Variants in ZNF776 observed in about 807,000 individuals in gnomAD.
The protein encoded by ZNF776 is zinc finger protein 776.
Under a neutral mutation model 7.0 loss-of-function variants are expected in ZNF776, and 4 were observed. The observed-to-expected ratio is 0.57, with a 90% confidence interval of 0.28 to 1.31. ZNF776 has a LOEUF of 1.31. Among genes scored for constraint, ZNF776 ranks in the 50% most tolerant of loss-of-function variants. ZNF776 has a pLI of 0.10. For synonymous variants in ZNF776, 212 were observed against 213.7 expected, an observed-to-expected ratio of 0.99 and a Z score of 0.07; for missense variants, 555 against 625.9, an observed-to-expected ratio of 0.89 and a Z score of 1.21.
chr19:57,754,002 CT>C lies in ZNF776; in HGVS notation c.874del (p.Tyr292MetfsTer100). On this transcript the variant is annotated frameshift_variant, in exon 3 of 3. Coordinates refer to ENST00000317178, the MANE Select transcript of ZNF776 (RefSeq NM_173632.4). LOFTEE classifies it low-confidence loss of function (END_TRUNC). The stretch of plus-strand genomic sequence containing the variant: ...CAGAGAGTTCACACTGGAGAAAGAC[CT>C]TATGAGTGTGGAGAATGTGATAAAT... ...EHQRVHTGERPYECGECDKSF... is the reference protein window; with the variant it reads ...EHQRVHTGERXYECGECDKSF... 10 of 1,614,196 alleles carry C rather than the reference CT, an allele frequency of 6.2e-6. No individual in the cohort carries two copies. The highest frequency in any genetic ancestry group is 8.5e-6 in the Non-Finnish European group (10 of 1,180,036).
chr19:57,750,814 G>A lies in ZNF776; in HGVS notation c.63G>A (p.Val21=), dbSNP rs58446072. 1.7e-3 allele frequency: 2,763 copies of A among 1,613,022 alleles called. 51 individuals carry two copies. In the African/African-American group the frequency reaches 0.031, roughly 18 times the overall value. Residue 21 remains valine (V), a synonymous_variant, in exon 2 of 3, where the codon GTG becomes GTA. Transcript: ENST00000317178. ...CTGTGACCTTTGAAGATGTGGCTGT[G>A]AACTTTTCCCAGGAGGAATGGAGTC... ...QGTVTFEDVA[V]NFSQEEWSLL...
Position 57,746,958 on chromosome 19 carries a change from G to T in ZNF776, c.-101G>T, listed in dbSNP as rs1354071350. 4 of 1,271,812 alleles carry T rather than the reference G, an allele frequency of 3.1e-6. No homozygotes were observed. Among genetic ancestry groups the T allele is most frequent in the Middle Eastern group, 1.9e-4 (1 of 5,186 alleles). 78.8% of individuals were successfully genotyped at this position (1,271,812 alleles called of 1,614,324 possible). A position where few individuals can be genotyped will look rare whatever the true frequency, so the allele number is the denominator to read the frequency against. On this transcript the variant is annotated 5_prime_UTR_variant, in exon 1 of 3. Coordinates refer to ENST00000317178, the MANE Select transcript of ZNF776 (RefSeq NM_173632.4). ...GGCTGCTCTGCAGCTCCTTAAAGGC[G>T]CTAGGCGTGACCCGCACCAAGGCCG...
At chr19:57,747,397 C>G (rs1453906221) in intron 1 of ZNF776, among the ~76,000 whole-genome samples, 1 of 152,062 alleles carries the variant, frequency 6.6e-6, no homozygotes, top group Non-Finnish European at 1.5e-5. Context: ...GGCTGAGGAC[C>G]GTGTATTCAC....
Position 57,746,949 on chromosome 19 carries a change from C to T in ZNF776, c.-110C>T. ...CTGCACAGAGGCTGCTCTGCAGCTCCTTAAAGGCGCTAGGCGTGACCCGCA... is the reference window on the plus strand; with the variant it reads ...CTGCACAGAGGCTGCTCTGCAGCTCTTTAAAGGCGCTAGGCGTGACCCGCA... On this transcript the variant is annotated 5_prime_UTR_variant, in exon 1 of 3. Coordinates refer to ENST00000317178, the MANE Select transcript of ZNF776 (RefSeq NM_173632.4). 1 of 1,198,538 alleles carries T rather than the reference C, an allele frequency of 8.3e-7. No homozygotes were observed. The highest frequency in any genetic ancestry group is 2.7e-5 in the East Asian group (1 of 37,674). The allele number at this position is 1,198,538 out of a possible 1,614,324, so 74.2% of individuals were successfully genotyped here.
intron 1 of ZNF776, among the ~76,000 whole-genome samples, chr19:57,748,300 T>C (rs1986499107): frequency 6.6e-6 from 1 of 152,184 alleles, no homozygotes; most frequent in Non-Finnish European, 1.5e-5. Context: ...TTTTTGGTCT[T>C]AGTAGCTGTA....
Position 57,756,939 on chromosome 19 carries a change from A to T in ZNF776, c.*2252A>T, listed in dbSNP as rs546929848. 7 of 439,956 alleles carry T rather than the reference A, an allele frequency of 1.6e-5. No individual in the cohort carries two copies. The highest frequency in any genetic ancestry group is 1.0e-4 in the African/African-American group (5 of 49,324). 27.3% of individuals were successfully genotyped at this position (439,956 alleles called of 1,614,324 possible). ...ATGGTCATACCTCACTGCGGCCTCA[A>T]ACTCCTGGGCTCAAGTGATCCTCCT... On this transcript the variant is annotated 3_prime_UTR_variant, in exon 3 of 3. Transcript: ENST00000317178.
At chr19:57,749,620 C>T (rs1039809103) in intron 1 of ZNF776, among the ~76,000 whole-genome samples, 1 of 152,148 alleles carries the variant, frequency 6.6e-6, no homozygotes, top group Non-Finnish European at 1.5e-5. Flanking sequence ...ACCTGAGAAC[C>T]AATTCCCTTC....
intron 2 of ZNF776, among the ~76,000 whole-genome samples, chr19:57,751,682 G>GT (rs1248918001): frequency 2.1e-3 from 296 of 137,910 alleles, no homozygotes; most frequent in East Asian, 3.4e-3. Context: ...TTGCTTTTTT[G>GT]TTTTTTTTTT....
At position 57,758,026 on chromosome 19, in the gene ZNF776, T is replaced by A. The variant is rs1301504182; in HGVS notation, c.*3339T>A. On this transcript the variant is annotated 3_prime_UTR_variant, in exon 3 of 3. Transcript: ENST00000317178. ...TCATCAATCATGATATATGAGTAGT[T>A]CATTCTTTTTATCTTAGAATATGAC... 2.0e-5 allele frequency: 3 copies of A among 152,230 alleles called. No homozygotes were observed. The highest frequency in any genetic ancestry group is 4.4e-5 in the Non-Finnish European group (3 of 68,048). The allele number at this position is 152,230 out of a possible 1,614,324, so 9.4% of individuals were successfully genotyped here. A position where few individuals can be genotyped will look rare whatever the true frequency, so the allele number is the denominator to read the frequency against.
In ZNF776 at chr19:57,754,597, G is replaced by C. The variant is rs1480916460; in HGVS notation, c.1467G>C (p.Glu489Asp). ...QQIHSGERPH[E>D]CGECGKCFRQ... ...TTCACTCTGGAGAAAGGCCACATGAGTGTGGAGAATGTGGAAAGTGTTTTC... is the reference window on the plus strand; with the variant it reads ...TTCACTCTGGAGAAAGGCCACATGACTGTGGAGAATGTGGAAAGTGTTTTC... Residue 489 changes from glutamate (E) to aspartate (D), a missense_variant, in exon 3 of 3, where the codon GAG (glutamate) becomes GAC (aspartate). Transcript: ENST00000317178. 1 of 1,613,816 alleles carries C rather than the reference G, an allele frequency of 6.2e-7. No individual in the cohort carries two copies. The highest frequency in any genetic ancestry group is 1.3e-5 in the African/African-American group (1 of 74,848).
rs1433888023 is a variant in ZNF776, at chr19:57,753,388, C to T, written c.258C>T (p.Thr86=). ...PLRTHWTGVC[T]KKVHLWGMCG... ...GGACACATTGGACAGGTGTATGTAC[C>T]AAGAAGGTCCACCTCTGGGGAATGT... The change falls in exon 3 of 3, where the codon ACC becomes ACT. Residue 86 remains threonine (T), a synonymous_variant. Transcript: ENST00000317178. 1.2e-6 allele frequency: 2 copies of T among 1,614,128 alleles called. No homozygotes were observed. The highest frequency in any genetic ancestry group is 8.5e-7 in the Non-Finnish European group (1 of 1,180,034).
chr19:57,755,743 T>A lies in ZNF776; in HGVS notation c.*1056T>A, dbSNP rs888064643. The A allele has an allele frequency of 6.6e-6, 1 of 152,222 alleles. No homozygotes were observed. The highest frequency in any genetic ancestry group is 1.5e-5 in the Non-Finnish European group (1 of 68,044). 9.4% of individuals were successfully genotyped at this position (152,222 alleles called of 1,614,324 possible). ...TATCCTGCGTATGTCCTTGCCAGAT[T>A]TATTTCATTCTTAGGTCTCTGGCAA... On this transcript the variant is annotated 3_prime_UTR_variant, in exon 3 of 3. Transcript: ENST00000317178.
Position 57,754,982 on chromosome 19 carries a change from C to A in ZNF776, c.*295C>A. On this transcript the variant is annotated 3_prime_UTR_variant, in exon 3 of 3. Coordinates refer to ENST00000317178, the MANE Select transcript of ZNF776 (RefSeq NM_173632.4). The stretch of plus-strand genomic sequence containing the variant: ...ACAAGAAGTCCCACCTCACTGAACA[C>A]TACTGAGTTCACAGTTGAGAAAGGC... 1 of 394,158 alleles carries A rather than the reference C, an allele frequency of 2.5e-6. No individual in the cohort carries two copies. The highest frequency in any genetic ancestry group is 4.2e-5 in the Admixed American group (1 of 23,732). The allele number at this position is 394,158 out of a possible 1,614,324, so 24.4% of individuals were successfully genotyped here.
chr19:57,755,715 T>G lies in ZNF776; in HGVS notation c.*1028T>G, dbSNP rs1043008619. 5 of 152,256 alleles carry G rather than the reference T, an allele frequency of 3.3e-5. No individual in the cohort carries two copies. The highest frequency in any genetic ancestry group is 5.9e-5 in the Non-Finnish European group (4 of 68,046). The allele number at this position is 152,256 out of a possible 1,614,324, so 9.4% of individuals were successfully genotyped here. ...AGGTATATGGGAGCTGTATTGCATT[T>G]CTTATCCTGCGTATGTCCTTGCCAG... On this transcript the variant is annotated 3_prime_UTR_variant, in exon 3 of 3. Coordinates refer to ENST00000317178, the MANE Select transcript of ZNF776 (RefSeq NM_173632.4).
chr19:57,748,236 A>C (rs563742580), intron 1 of ZNF776, among the ~76,000 whole-genome samples: 16 of 152,340 alleles, frequency 1.1e-4, no homozygotes, highest in Non-Finnish European at 1.9e-4. Context: ...TACAGCATCT[A>C]GGTTTCCTAA....
chr19:57,756,276 CT>C lies in ZNF776; in HGVS notation c.*1591del, dbSNP rs11290757. On this transcript the variant is annotated 3_prime_UTR_variant, in exon 3 of 3. Coordinates refer to ENST00000317178, the MANE Select transcript of ZNF776 (RefSeq NM_173632.4). ...TTCTTAAAATGGAATTTTCCAGCCT[CT>C]TAACTCACCAACCCAAGTACAAGCT... 0.67 allele frequency: 101,259 copies of C among 151,976 alleles called. 35,189 individuals are homozygous for C. Among genetic ancestry groups the C allele is most frequent in the African/African-American group, 0.86 (35,847 of 41,454 alleles). 9.4% of individuals were successfully genotyped at this position (151,976 alleles called of 1,614,324 possible).
At chr19:57,753,067 A>G (rs1370278502) in intron 2 of ZNF776, among the ~76,000 whole-genome samples, 1 of 152,240 alleles carries the variant, frequency 6.6e-6, no homozygotes, top group African/African-American at 2.4e-5. Flanking sequence ...AGGGGGCCAC[A>G]TGATGTGAAG....
At chr19:57,750,542 C>T (rs536357375) in intron 1 of ZNF776, among the ~76,000 whole-genome samples, 1 of 152,224 alleles carries the variant, frequency 6.6e-6, no homozygotes, top group East Asian at 1.9e-4. Context: ...CTACCAGGGG[C>T]ATTGGCTATC....
Position 57,755,268 on chromosome 19 carries a change from A to T in ZNF776, c.*581A>T, listed in dbSNP as rs1382147946. ...AGAGTTCATGCTAGAGAAAGGCCTC[A>T]ACAGTGTAGCAAATATGGAAAGACA... On this transcript the variant is annotated 3_prime_UTR_variant, in exon 3 of 3. Coordinates refer to ENST00000317178, the MANE Select transcript of ZNF776 (RefSeq NM_173632.4). The T allele has an allele frequency of 1.3e-5, 2 of 154,002 alleles. No individual in the cohort carries two copies. Among genetic ancestry groups the T allele is most frequent in the African/African-American group, 4.8e-5 (2 of 41,454 alleles). The allele number at this position is 154,002 out of a possible 1,614,324, so 9.5% of individuals were successfully genotyped here. A position where few individuals can be genotyped will look rare whatever the true frequency, so the allele number is the denominator to read the frequency against.
Sources: allele counts gnomAD v4.1 joint callset (sites outside exome capture counted in the v4.1 genomes callset), GRCh38; gene constraint gnomAD v4.1.1; transcripts MANE v1.5; gene names NCBI Gene and HGNC (gene_info 2026-07-23, HGNC 2026-07-21).